The following UROC1 variants were observed in gnomAD, a reference collection of about 807,000 sequenced individuals.
UROC1 encodes the protein urocanate hydratase 1.
A neutral mutation model predicts 89.5 loss-of-function variants in UROC1; 79 were observed. The ratio of observed to expected loss-of-function variants is 0.88; its 90% CI spans 0.74 to 1.06. The LOEUF is 1.06. UROC1 is among the 50% of genes least tolerant of loss of function. UROC1 has a pLI of 0.00. For synonymous variants in UROC1, 361 were observed against 354.8 expected (o/e 1.02, Z -0.20); for missense variants, 885 against 907.8 (o/e 0.97, Z 0.32).
chr3:126,502,819 T>G (rs1399034166), intron 9 of UROC1, among the ~76,000 whole-genome samples: 10 of 151,510 alleles, frequency 6.6e-5, no homozygotes, highest in East Asian at 1.9e-4. Context: ...GTATGTGTGC[T>G]TATGTGTGTT....
At chr3:126,507,488 G>T (rs1190690972) in intron 6 of UROC1, among the ~76,000 whole-genome samples, 1 of 152,078 alleles carries the variant, frequency 6.6e-6, no homozygotes, top group Non-Finnish European at 1.5e-5. Context: ...GTCAATTTTC[G>T]CATGTTTGAA....
At chr3:126,490,883 C>T (rs1459055786) in intron 16 of UROC1, among the ~76,000 whole-genome samples, 1 of 152,132 alleles carries the variant, frequency 6.6e-6, no homozygotes, top group Non-Finnish European at 1.5e-5. Context: ...AGCAGCCCAG[C>T]TGTTTCAGCT....
chr3:126,495,223 C>T (rs999360343), intron 15 of UROC1, among the ~76,000 whole-genome samples: 15 of 152,146 alleles, frequency 9.9e-5, no homozygotes, highest in African/African-American at 3.1e-4. Context: ...ATAAAATGTA[C>T]CATCTTAACC....
Position 126,500,800 on chromosome 3 carries a change from T to C in UROC1, c.1040A>G (p.His347Arg). 6 of 1,614,044 alleles carry C rather than the reference T, an allele frequency of 3.7e-6. No individual in the cohort carries two copies. The highest frequency in any genetic ancestry group is 5.1e-6 in the Non-Finnish European group (6 of 1,180,032). ...GTAGTAGCCGCCATTGAACGGGTTGTGGCAGGATGTCTGATCTGACCCCAG... is the reference window on the plus strand; with the variant it reads ...GTAGTAGCCGCCATTGAACGGGTTGCGGCAGGATGTCTGATCTGACCCCAG... ...VDLGSDQTSC[H>R]NPFNGGYYPV... Residue 347 changes from histidine to arginine, a missense_variant, in exon 11 of 20, where the codon CAC becomes CGC. Coordinates refer to ENST00000290868, the MANE Select transcript of UROC1 (RefSeq NM_144639.3).
intron 16 of UROC1, 76 bp downstream of exon 16, chr3:126,492,342 C>T (rs980158757): frequency 3.0e-5 from 42 of 1,405,822 alleles, no homozygotes; most frequent in Admixed American, 1.9e-4. Context: ...CCGAGGCACA[C>T]GCAGGAAGGC....
rs752156372 is a variant in UROC1, at chr3:126,507,725, C to T, written c.602+17G>A. 1.4e-5 allele frequency: 23 copies of T among 1,613,618 alleles called. 1 individual carries two copies. The South Asian group carries it at 2.5e-4, about 18-fold the overall frequency. On this transcript the variant is annotated intron_variant, in intron 6 of 19. Transcript: ENST00000290868. ...AACGGGGAAACACGGTGTAAACAGA[C>T]TGAAATAGTGACTTACATTGTAACC...
chr3:126,500,113 T>C lies in UROC1; in HGVS notation c.1187A>G (p.Glu396Gly). The change falls in exon 12 of 20, where the codon GAG (glutamate) becomes GGG (glycine). Residue 396 changes from glutamate to glycine, a missense_variant. Glu to Gly is a moderately conservative substitution (Grantham distance 98). Coordinates refer to ENST00000290868, the MANE Select transcript of UROC1 (RefSeq NM_144639.3). ...QVSAINRLAE[E>G]KFFFWDYGNA... Reference sequence around the variant, plus strand: ...GCCGTAGTCCCAGAAGAAGAACTTCTCCTCGGCCAACCTGTTGATGGCTGA... The same window carrying C: ...GCCGTAGTCCCAGAAGAAGAACTTCCCCTCGGCCAACCTGTTGATGGCTGA... 1 of 1,613,904 alleles carries C rather than the reference T, an allele frequency of 6.2e-7. No homozygotes were observed. Among genetic ancestry groups the C allele is most frequent in the Non-Finnish European group, 8.5e-7 (1 of 1,180,006 alleles).
chr3:126,483,554 G>A, intron 18 of UROC1, 86 bp from the exon 19 acceptor site: 2 of 1,300,142 alleles, frequency 1.5e-6, no homozygotes, highest in Non-Finnish European at 2.2e-6. Flanking sequence ...GGAAGCATTG[G>A]CTTGAGACGG....
At chr3:126,496,206 C>T (rs1308061668) in intron 14 of UROC1, 98 bp from the exon 15 acceptor site, 6 of 1,232,880 alleles carry the variant, frequency 4.9e-6, no homozygotes, top group Middle Eastern at 1.9e-4. Context: ...GCCCCGAGCC[C>T]ACCACTGAGC....
Position 126,489,261 on chromosome 3 carries a change from TCTCATCTTC to T in UROC1, c.1708+6_1708+14del. On this transcript the variant is annotated splice_donor_region_variant and intron_variant, in intron 17 of 19. Transcript: ENST00000290868. The stretch of plus-strand genomic sequence containing the variant: ...AATCTAAGATGAAAGTTTAAGACAT[TCTCATCTTC>T]CTCACCTGCACAGAAGGCAGAGCCG... 6.2e-7 allele frequency: 1 copy of T among 1,601,572 alleles called. No homozygotes were observed. The highest frequency in any genetic ancestry group is 8.6e-7 in the Non-Finnish European group (1 of 1,169,006).
rs1489347415 is a variant in UROC1 at position 126,503,990 on chromosome 3, T to C, written c.902+5A>G. Reference sequence around the variant, plus strand: ...AGGTGTCCGGAGTTGAGCTTGGAGCTGTACCTGAGCCTCTGGATGCAGCGG... The same window carrying C: ...AGGTGTCCGGAGTTGAGCTTGGAGCCGTACCTGAGCCTCTGGATGCAGCGG... On this transcript the variant is annotated splice_donor_5th_base_variant and intron_variant, in intron 9 of 19. Transcript: ENST00000290868. The C allele has an allele frequency of 1.2e-6, 2 of 1,614,110 alleles. No individual in the cohort carries two copies. Among genetic ancestry groups the C allele is most frequent in the East Asian group, 4.5e-5 (2 of 44,886 alleles).
At chr3:126,493,252 C>A (rs1227993742) in intron 15 of UROC1, among the ~76,000 whole-genome samples, 1 of 152,164 alleles carries the variant, frequency 6.6e-6, no homozygotes, top group East Asian at 1.9e-4. Context: ...GGTCGGGATG[C>A]TGCTAAATAC....
At chr3:126,502,755 TTG>T (rs36233961) in intron 9 of UROC1, among the ~76,000 whole-genome samples, 13 of 151,030 alleles carry the variant, frequency 8.6e-5, no homozygotes, top group Admixed American at 1.3e-4. Flanking sequence ...CATGTGTATG[TTG>T]TGTGTGTTTG....
intron 9 of UROC1, among the ~76,000 whole-genome samples, chr3:126,502,370 G>C (rs1284670805): frequency 6.6e-6 from 1 of 151,748 alleles, no homozygotes; most frequent in Admixed American, 6.6e-5. Flanking sequence ...ATGCATGTTT[G>C]TGTACATGTG....
intron 1 of UROC1, among the ~76,000 whole-genome samples, chr3:126,511,545 T>C (rs777488): frequency 0.35 from 53,703 of 152,190 alleles, 9,533 homozygotes; most frequent in Admixed American, 0.4. Flanking sequence ...CAAGGAGGAC[T>C]TCTTTCATAA....
chr3:126,501,178 G>A (rs1416064228), intron 10 of UROC1, 40 bp downstream of exon 10: 1 of 1,608,232 alleles, frequency 6.2e-7, no homozygotes, highest in African/African-American at 1.3e-5. Context: ...GGCCCCATCT[G>A]GGTTCCCAAG....
chr3:126,498,385 T>C (rs1428505082), intron 13 of UROC1, among the ~76,000 whole-genome samples: 1 of 152,014 alleles, frequency 6.6e-6, no homozygotes, highest in African/African-American at 2.4e-5. Context: ...GGCTGTACCA[T>C]CTCTAGCTAC....
intron 6 of UROC1, 136 bp downstream of exon 6, chr3:126,507,606 G>A (rs1936096296): frequency 1.0e-6 from 1 of 958,310 alleles, no homozygotes; most frequent in African/African-American, 1.6e-5. Context: ...TAGGGAATAT[G>A]TAAAAATAAA....
chr3:126,515,620 A>ACC (rs1936291607), intron 1 of UROC1, among the ~76,000 whole-genome samples: 1 of 34,700 alleles, frequency 2.9e-5, no homozygotes, highest in African/African-American at 1.3e-4. Context: ...CCCACCACCT[A>ACC]CCATCCCCCA....
Sources: allele counts gnomAD v4.1 joint callset (sites outside exome capture counted in the v4.1 genomes callset), GRCh38; gene constraint gnomAD v4.1.1; transcripts MANE v1.5; gene names NCBI Gene and HGNC (gene_info 2026-07-23, HGNC 2026-07-21).